PHACTR1: variants seen among roughly 807,000 people sequenced by gnomAD.
PHACTR1 encodes phosphatase and actin regulator 1.
A neutral mutation model predicts 69.2 loss-of-function variants in PHACTR1; 16 were observed. The observed-to-expected ratio is 0.23, with a 90% CI of 0.16 to 0.35. PHACTR1 has a LOEUF of 0.35. Among genes scored for constraint, PHACTR1 ranks in the 10% least tolerant of loss-of-function variants. The pLI is 1.00. For synonymous variants in PHACTR1, 312 were observed against 284.5 expected (o/e 1.10, Z -0.97); for missense variants, 510 against 734.7 (o/e 0.69, Z 3.54).
chr6:13,051,639 C>T (rs1342229107), intron 4 of PHACTR1, among the ~76,000 whole-genome samples: 1 of 152,200 alleles, frequency 6.6e-6, no homozygotes, highest in East Asian at 1.9e-4. Context: ...GCCAGGAGAA[C>T]AGCCCCTTCT....
At chr6:13,155,765 G>A (rs928286631) in intron 5 of PHACTR1, among the ~76,000 whole-genome samples, 1 of 152,058 alleles carries the variant, frequency 6.6e-6, no homozygotes, top group African/African-American at 2.4e-5. Flanking sequence ...GCAGGCGCCT[G>A]TAATCCCAGC....
chr6:12,800,520 T>C (rs927760837), intron 4 of PHACTR1, among the ~76,000 whole-genome samples: 1 of 152,188 alleles, frequency 6.6e-6, no homozygotes, highest in Non-Finnish European at 1.5e-5. Context: ...TTTTAATATG[T>C]GTAGAGTTCA....
intron 5 of PHACTR1, among the ~76,000 whole-genome samples, chr6:13,099,220 A>G (rs1814753133): frequency 6.6e-6 from 1 of 152,196 alleles, no homozygotes; most frequent in Non-Finnish European, 1.5e-5. Flanking sequence ...CACAATTATC[A>G]CAGTTGTTCA....
At chr6:13,134,214 G>T (rs112139956) in intron 5 of PHACTR1, among the ~76,000 whole-genome samples, 6 of 149,812 alleles carry the variant, frequency 4.0e-5, no homozygotes, top group Middle Eastern at 3.7e-3. Flanking sequence ...GTAGGGGGCA[G>T]CCCCCGCCCC....
intron 8 of PHACTR1, among the ~76,000 whole-genome samples, chr6:13,210,911 C>CTTTTTTTTTTTTT (rs56769825): frequency 2.7e-5 from 2 of 72,930 alleles, no homozygotes; most frequent in African/African-American, 4.9e-5. Flanking sequence ...TTTATCATTT[C>CTTTTTTTTTTTTT]TTTTTTTTTT....
chr6:13,185,668 C>T (rs574466305), intron 7 of PHACTR1, among the ~76,000 whole-genome samples: 101 of 152,290 alleles, frequency 6.6e-4, no homozygotes, highest in Middle Eastern at 3.4e-3. Flanking sequence ...GAATTAGATA[C>T]CACTTTGTGA....
intron 2 of PHACTR1, 21 bp from the exon 3 acceptor site, chr6:12,718,678 A>G (rs1581394117): frequency 2.7e-6 from 2 of 754,624 alleles, no homozygotes; most frequent in South Asian, 4.8e-5. Flanking sequence ...AATATTGTGG[A>G]TTTTTTTTTC....
chr6:12,885,931 C>T (rs970176686), intron 4 of PHACTR1, among the ~76,000 whole-genome samples: 1 of 152,106 alleles, frequency 6.6e-6, no homozygotes, highest in Admixed American at 6.6e-5. Flanking sequence ...ACTGTCTCTA[C>T]TAAAAATACA....
At chr6:13,025,530 A>G (rs971359588) in intron 4 of PHACTR1, among the ~76,000 whole-genome samples, 1 of 152,244 alleles carries the variant, frequency 6.6e-6, no homozygotes, top group Non-Finnish European at 1.5e-5. Flanking sequence ...ACTGTATTGT[A>G]GGGTGGCACT....
chr6:13,221,817 C>T (rs909932405), intron 8 of PHACTR1, among the ~76,000 whole-genome samples: 1 of 152,188 alleles, frequency 6.6e-6, no homozygotes, highest in African/African-American at 2.4e-5. Context: ...GCAGGTGGAT[C>T]ACAAGGTTGG....
At position 13,287,684 on chromosome 6, in the gene PHACTR1, A is replaced by G. The variant is rs1385088879; in HGVS notation, c.*606A>G. 1.3e-5 allele frequency: 2 copies of G among 152,598 alleles called. No individual in the cohort carries two copies. Among genetic ancestry groups the G allele is most frequent in the African/African-American group, 4.8e-5 (2 of 41,408 alleles). The allele number at this position is 152,598 out of a possible 1,614,324, so 9.5% of individuals were successfully genotyped here. On this transcript the variant is annotated 3_prime_UTR_variant, in exon 15 of 15. Transcript: ENST00000332995. ...CACAATGAACAAAAGGGAAGGGCCC[A>G]TTTCTGGGGGAGTCTGGCTGCCTCT...
chr6:13,216,564 G>T (rs533023537), intron 8 of PHACTR1, among the ~76,000 whole-genome samples: 59 of 152,304 alleles, frequency 3.9e-4, no homozygotes, highest in Non-Finnish European at 7.6e-4. Flanking sequence ...TCCAGGGAAA[G>T]ATTCTCTTCT....
rs185580623 is a variant in PHACTR1, at chr6:12,900,067, T to C, written c.250+150277T>C. ...CCAGATTTAGCAAATATTTAACAAA[T>C]ATTTTATCTGGCAACCCTATCTCTG... is the stretch of plus-strand genomic sequence containing the variant. On this transcript the variant is annotated intron_variant, in intron 4 of 14. Coordinates refer to ENST00000332995, the MANE Select transcript of PHACTR1 (RefSeq NM_030948.6). 2.6e-5 allele frequency among the ~76,000 whole-genome samples: 4 copies of C among 152,328 alleles called. No individual in the cohort carries two copies. In the East Asian group the frequency reaches 7.7e-4, roughly 29 times the overall value.
intron 4 of PHACTR1, among the ~76,000 whole-genome samples, chr6:12,900,197 G>T (rs1785051792): frequency 6.6e-6 from 1 of 152,022 alleles, no homozygotes; most frequent in Admixed American, 6.5e-5. Context: ...TTGAACTTAA[G>T]ATTTTTTACT....
At chr6:12,900,185 G>T (rs1458453889) in intron 4 of PHACTR1, among the ~76,000 whole-genome samples, 2 of 152,054 alleles carry the variant, frequency 1.3e-5, no homozygotes, top group African/African-American at 4.8e-5. Context: ...CTCTTAAATT[G>T]CTTGAACTTA....
chr6:13,211,988 C>T (rs779250936), intron 8 of PHACTR1, among the ~76,000 whole-genome samples: 2 of 152,174 alleles, frequency 1.3e-5, no homozygotes, highest in Non-Finnish European at 2.9e-5. Context: ...CGCTAGAAGT[C>T]CGAGATCAAG....
chr6:12,732,541 T>C (rs1442916131), intron 3 of PHACTR1, among the ~76,000 whole-genome samples: 1 of 152,148 alleles, frequency 6.6e-6, no homozygotes, highest in Admixed American at 6.5e-5. Context: ...GTGTTCTCAT[T>C]GTTCAACTCT....
chr6:12,789,026 T>A (rs1771894602), intron 4 of PHACTR1, among the ~76,000 whole-genome samples: 1 of 152,176 alleles, frequency 6.6e-6, no homozygotes, highest in African/African-American at 2.4e-5. Context: ...CTGAGGTCAT[T>A]TGGATGATAT....
chr6:12,817,925 AC>A (rs1263740391), intron 4 of PHACTR1, among the ~76,000 whole-genome samples: 1 of 150,318 alleles, frequency 6.7e-6, no homozygotes, highest in Non-Finnish European at 1.5e-5. Flanking sequence ...CCGGGTTCAC[AC>A]CATTCTCCTG....
Sources: allele counts gnomAD v4.1 joint callset (sites outside exome capture counted in the v4.1 genomes callset), GRCh38; gene constraint gnomAD v4.1.1; transcripts MANE v1.5; gene names NCBI Gene and HGNC (gene_info 2026-07-23, HGNC 2026-07-21).